Variants in EFCAB8 observed in about 807,000 individuals in gnomAD.
The protein encoded by EFCAB8 is EF-hand calcium binding domain 8.
EFCAB8 carries 100 observed loss-of-function variants against 116.3 expected under a neutral mutation model. That is an observed-to-expected ratio of 0.86 (90% CI 0.73 to 1.02). EFCAB8 has a LOEUF of 1.02. EFCAB8 is among the 50% of genes least tolerant of loss of function. The probability of loss-of-function intolerance (pLI) is 0.00; values close to 1 mark genes in which losing one functional copy is unlikely to be tolerated. For synonymous variants in EFCAB8, 558 were observed against 567.9 expected, an observed-to-expected ratio of 0.98 and a Z score of 0.25; for missense variants, 1,320 against 1,416.9, an observed-to-expected ratio of 0.93 and a Z score of 1.10.
At chr20:32,868,780 T>C (rs1984548997) in intron 3 of EFCAB8, among the ~76,000 whole-genome samples, 1 of 151,308 alleles carries the variant, frequency 6.6e-6, no homozygotes, top group African/African-American at 2.4e-5. Flanking sequence ...AGGTCAGGAG[T>C]TCAAGAGCAG....
At chr20:32,887,817 C>T (rs760613691) in intron 6 of EFCAB8, among the ~76,000 whole-genome samples, 1 of 151,002 alleles carries the variant, frequency 6.6e-6, no homozygotes, top group Non-Finnish European at 1.5e-5. Flanking sequence ...TGCTGGGCAC[C>T]ACCCTCAATG....
intron 23 of EFCAB8, among the ~76,000 whole-genome samples, chr20:32,947,924 A>T (rs1039722016): frequency 2.0e-5 from 3 of 151,570 alleles, no homozygotes; most frequent in African/African-American, 7.3e-5. Context: ...AAAAAGAAAA[A>T]AGAAACTAGA....
chr20:32,920,617 C>A (rs1299936335), intron 20 of EFCAB8, among the ~76,000 whole-genome samples: 2 of 152,122 alleles, frequency 1.3e-5, no homozygotes, highest in Admixed American at 1.3e-4. Flanking sequence ...CTCGCTGAGA[C>A]TTGTTCACTA....
chr20:32,897,796 C>T (rs772020884), intron 10 of EFCAB8, among the ~76,000 whole-genome samples: 2 of 152,086 alleles, frequency 1.3e-5, no homozygotes, highest in African/African-American at 4.8e-5. Flanking sequence ...GCCTTCATTG[C>T]GACAGATGCT....
intron 23 of EFCAB8, among the ~76,000 whole-genome samples, chr20:32,952,833 A>G (rs1038303310): frequency 1.3e-5 from 2 of 152,234 alleles, no homozygotes; most frequent in Non-Finnish European, 2.9e-5. Context: ...GGTAAAATAT[A>G]TAGCATAAAA....
At chr20:32,909,421 A>G (rs1253380114) in intron 14 of EFCAB8, among the ~76,000 whole-genome samples, 2 of 152,230 alleles carry the variant, frequency 1.3e-5, no homozygotes, top group African/African-American at 2.4e-5. Flanking sequence ...ATTTCGGTAG[A>G]AAGTGCTATG....
At position 32,895,635 on chromosome 20, in the gene EFCAB8, G is replaced by A. The variant is rs1353614626; in HGVS notation, c.884-819G>A. Among the ~76,000 whole-genome samples the A allele has an allele frequency of 4.0e-5, 6 of 149,306 alleles. No homozygotes were observed. In the East Asian group the frequency reaches 5.9e-4, roughly 15 times the overall value. On this transcript the variant is annotated intron_variant, in intron 9 of 26. Coordinates refer to ENST00000400522, the MANE Select transcript of EFCAB8 (RefSeq NM_001143967.2). ...TGCCCAGGCTGGAGTGCAATGGTGC[G>A]ATCTTGGCTCACTGCCACCTCTGCC...
At chr20:32,936,196 C>G (rs770187936) in intron 22 of EFCAB8, among the ~76,000 whole-genome samples, 1 of 151,938 alleles carries the variant, frequency 6.6e-6, no homozygotes, top group Non-Finnish European at 1.5e-5. Flanking sequence ...CCATGCCTAG[C>G]TAATTTTTGT....
Position 32,918,587 on chromosome 20 carries a change from G to A in EFCAB8, c.2274+13G>A. ...TGTGCCCCAGCAGGTGGGAGCGAGAGCCCAACCAGAAGGCTACCCTCACTC... is the reference window on the plus strand; with the variant it reads ...TGTGCCCCAGCAGGTGGGAGCGAGAACCCAACCAGAAGGCTACCCTCACTC... On this transcript the variant is annotated intron_variant, in intron 19 of 26. Transcript: ENST00000400522. 1.3e-6 allele frequency: 2 copies of A among 1,551,018 alleles called. No homozygotes were observed. Among genetic ancestry groups the A allele is most frequent in the Non-Finnish European group, 1.7e-6 (2 of 1,146,722 alleles).
At chr20:32,907,109 G>A (rs57106662) in intron 13 of EFCAB8, 115 bp downstream of exon 13, 1 of 1,424,438 alleles carries the variant, frequency 7.0e-7, no homozygotes. Flanking sequence ...CCTAGCAGGA[G>A]GGGCCCCGGG....
In EFCAB8 at chr20:32,961,444, C is replaced by T; in HGVS notation, c.3702C>T (p.Ala1234=). 1 of 1,456,008 alleles carries T rather than the reference C, an allele frequency of 6.9e-7. No homozygotes were observed. 90.2% of individuals were successfully genotyped at this position (1,456,008 alleles called of 1,614,324 possible). A position where few individuals can be genotyped will look rare whatever the true frequency, so the allele number is the denominator to read the frequency against. Residue 1234 remains alanine, a synonymous_variant, in exon 27 of 27, where the codon GCC becomes GCT. Coordinates refer to ENST00000400522, the MANE Select transcript of EFCAB8 (RefSeq NM_001143967.2). ...QFSFLLRPQS[A]STAHSTPSVP... The stretch of plus-strand genomic sequence containing the variant: ...CCTTCTTGCTGCGGCCCCAGTCAGC[C>T]TCCACAGCCCATTCCACCCCCTCGG...
intron 23 of EFCAB8, among the ~76,000 whole-genome samples, chr20:32,944,310 C>T (rs1169955929): frequency 6.6e-6 from 1 of 151,808 alleles, no homozygotes. Context: ...ACTAAAAATA[C>T]AAAAATTAGC....
intron 20 of EFCAB8, among the ~76,000 whole-genome samples, chr20:32,922,642 T>C (rs1425904752): frequency 6.6e-6 from 1 of 152,110 alleles, no homozygotes; most frequent in African/African-American, 2.4e-5. Flanking sequence ...TGCTGTTTTA[T>C]GAATAGGCTG....
In EFCAB8 at chr20:32,917,523, C is replaced by T; in HGVS notation, c.2061+18C>T. The stretch of plus-strand genomic sequence containing the variant: ...CCAAGAGGGTATGTTAACAGGAGCA[C>T]ACTCTCCTCCCACCCTTCTCTCAGC... On this transcript the variant is annotated intron_variant, in intron 18 of 26. Transcript: ENST00000400522. The T allele has an allele frequency of 1.3e-6, 2 of 1,538,812 alleles. No homozygotes were observed. Among genetic ancestry groups the T allele is most frequent in the East Asian group, 2.5e-5 (1 of 40,096 alleles).
chr20:32,931,124 A>T lies in EFCAB8; in HGVS notation c.2632-54A>T, dbSNP rs1222487868. 3 of 1,425,182 alleles carry T rather than the reference A, an allele frequency of 2.1e-6. No homozygotes were observed. In the East Asian group the frequency reaches 7.5e-5, roughly 36 times the overall value. 88.3% of individuals were successfully genotyped at this position (1,425,182 alleles called of 1,614,324 possible). On this transcript the variant is annotated intron_variant, in intron 21 of 26. Coordinates refer to ENST00000400522, the MANE Select transcript of EFCAB8 (RefSeq NM_001143967.2). ...TGGTCTGGGAGGAGCCCGCAGAGTG[A>T]GTTGGGGTCTGGGTCAAGGGGTGTG...
chr20:32,910,097 A>G (rs907977964), intron 15 of EFCAB8, among the ~76,000 whole-genome samples, 166 bp downstream of exon 15: 1 of 152,196 alleles, frequency 6.6e-6, no homozygotes, highest in East Asian at 1.9e-4. Context: ...CACAGAAAGC[A>G]GCTCTACAGA....
chr20:32,875,093 C>T (rs1041341298), intron 3 of EFCAB8, among the ~76,000 whole-genome samples: 1 of 152,166 alleles, frequency 6.6e-6, no homozygotes, highest in Non-Finnish European at 1.5e-5. Context: ...TCAATCCTTC[C>T]TCTTTGTTAA....
At chr20:32,877,909 C>T (rs1985068798) in intron 4 of EFCAB8, among the ~76,000 whole-genome samples, 1 of 152,158 alleles carries the variant, frequency 6.6e-6, no homozygotes, top group Admixed American at 6.5e-5. Context: ...CTTAGCGCCT[C>T]AGGACGGCGA....
intron 22 of EFCAB8, among the ~76,000 whole-genome samples, chr20:32,939,203 C>CTTTCTTT (rs1555869214): frequency 2.0e-5 from 1 of 51,050 alleles, no homozygotes; most frequent in African/African-American, 7.6e-5. Flanking sequence ...TTCTTTCTTT[C>CTTTCTTT]CTCTCTCTCT....
Sources: gnomAD v4.1 joint callset for allele counts (sites outside exome capture counted in the v4.1 genomes callset) on GRCh38, gnomAD v4.1.1 for gene constraint, MANE v1.5 for transcripts, NCBI Gene and HGNC (gene_info 2026-07-23, HGNC 2026-07-21) for gene names.